ZFR: variants seen among roughly 807,000 people sequenced by gnomAD.
ZFR encodes the protein zinc finger RNA binding protein.
ZFR carries 19 observed loss-of-function variants against 130.7 expected under a neutral mutation model. The observed-to-expected ratio is 0.15, with a 90% CI of 0.10 to 0.21. The LOEUF (loss-of-function observed/expected upper bound fraction) is 0.21. ZFR is among the 10% of genes least tolerant of loss of function. The probability of loss-of-function intolerance (pLI) is 1.00; values close to 1 mark genes in which losing one functional copy is unlikely to be tolerated. For missense variants in ZFR, 872 were observed against 1,321.5 expected, an observed-to-expected ratio of 0.66 and a Z score of 5.27; for synonymous variants, 466 against 456.9, an observed-to-expected ratio of 1.02 and a Z score of -0.25.
chr5:32,363,847 A>G, intron 19 of ZFR, 101 bp downstream of exon 19: 1 of 972,526 alleles, frequency 1.0e-6, no homozygotes, highest in East Asian at 2.7e-5. Flanking sequence ...CAGAAGAACG[A>G]ATATTATATA....
At chr5:32,382,390 TA>T (rs1322153725) in intron 15 of ZFR, among the ~76,000 whole-genome samples, 2 of 152,186 alleles carry the variant, frequency 1.3e-5, no homozygotes, top group African/African-American at 2.4e-5. Flanking sequence ...TATAACATGC[TA>T]AAGAACCTCT....
At chr5:32,366,183 GATAAA>G (rs1394757541) in intron 17 of ZFR, among the ~76,000 whole-genome samples, 6 of 152,174 alleles carry the variant, frequency 3.9e-5, no homozygotes, top group Admixed American at 3.3e-4. Flanking sequence ...ACAATTCAGT[GATAAA>G]ATAAACCAAG....
chr5:32,390,561 C>A, intron 11 of ZFR, 124 bp from the exon 12 acceptor site: 2 of 926,366 alleles, frequency 2.2e-6, no homozygotes, highest in South Asian at 2.8e-5. Context: ...AATTTCTTCC[C>A]AAATGTATCT....
At chr5:32,426,328 G>A (rs73075516) in intron 2 of ZFR, among the ~76,000 whole-genome samples, 3,723 of 150,208 alleles carry the variant, frequency 0.025, 155 homozygotes, top group African/African-American at 0.086. Flanking sequence ...TAAAATGGAA[G>A]ACAAAACCCA....
chr5:32,385,677 A>G (rs763976242), intron 14 of ZFR, 28 bp from the exon 15 acceptor site: 1 of 1,609,950 alleles, frequency 6.2e-7, no homozygotes. Flanking sequence ...TAAGAAACAA[A>G]TTGGATCTGT....
intron 15 of ZFR, among the ~76,000 whole-genome samples, chr5:32,380,650 C>CTTTTTT (rs55724344): frequency 2.1e-5 from 2 of 97,072 alleles, no homozygotes; most frequent in African/African-American, 4.3e-5. Flanking sequence ...ACAGGCATTT[C>CTTTTTT]TTTTTTTTTT....
At chr5:32,374,066 G>A (rs1326639826) in intron 17 of ZFR, among the ~76,000 whole-genome samples, 1 of 152,204 alleles carries the variant, frequency 6.6e-6, no homozygotes, top group Non-Finnish European at 1.5e-5. Flanking sequence ...AGATGCAGTG[G>A]TCTTGAGAGT....
At chr5:32,406,439 G>C (rs982060680) in intron 6 of ZFR, among the ~76,000 whole-genome samples, 3 of 152,154 alleles carry the variant, frequency 2.0e-5, no homozygotes, top group Admixed American at 2.0e-4. Context: ...GTAAGTTACA[G>C]ATGCTAAAAA....
At chr5:32,369,296 G>A (rs374197506) in intron 17 of ZFR, among the ~76,000 whole-genome samples, 1 of 151,914 alleles carries the variant, frequency 6.6e-6, no homozygotes, top group Non-Finnish European at 1.5e-5. Context: ...AGCAACAGCC[G>A]GGAGAACTTT....
chr5:32,364,875 T>A (rs2111663588), intron 17 of ZFR: 1 of 152,256 alleles, frequency 6.6e-6, no homozygotes, highest in East Asian at 1.9e-4. Context: ...TTCACCCTTT[T>A]AAACTGTACA....
chr5:32,439,664 G>A (rs1754415662), intron 2 of ZFR, among the ~76,000 whole-genome samples: 1 of 152,018 alleles, frequency 6.6e-6, no homozygotes, highest in African/African-American at 2.4e-5. Flanking sequence ...AATGAGGCTG[G>A]GCGTAGTGGC....
Position 32,397,304 on chromosome 5 carries a change from T to C in ZFR, c.1748A>G (p.His583Arg), listed in dbSNP as rs913307667. The C allele has an allele frequency of 1.2e-6, 2 of 1,613,182 alleles. No homozygotes were observed. Among genetic ancestry groups the C allele is most frequent in the Admixed American group, 1.7e-5 (1 of 59,882 alleles). The change falls in exon 10 of 20, where the codon CAT becomes CGT. Residue 583 changes from histidine (H) to arginine (R), a missense_variant. Around this residue, in one of 7 missense-constraint regions of ZFR, gnomAD observed 54 missense variants for 119.9 expected, o/e 0.45. Coordinates refer to ENST00000265069, the MANE Select transcript of ZFR (RefSeq NM_016107.5). ...RNDEGKVIRF[H>R]CKLCECSFND... Reference sequence around the variant, plus strand: ...AAAGCTGCACTCGCATAATTTACAATGGAACCGAATTACTTTTCCTTCATC... The same window carrying C: ...AAAGCTGCACTCGCATAATTTACAACGGAACCGAATTACTTTTCCTTCATC...
chr5:32,410,730 C>G (rs1297441071), intron 5 of ZFR, among the ~76,000 whole-genome samples: 3 of 152,164 alleles, frequency 2.0e-5, no homozygotes, highest in Non-Finnish European at 4.4e-5. Context: ...TACAAGTCAT[C>G]ATTTGGTAGG....
At chr5:32,362,733 T>C (rs1319942778) in intron 19 of ZFR, among the ~76,000 whole-genome samples, 1 of 152,244 alleles carries the variant, frequency 6.6e-6, no homozygotes, top group Admixed American at 6.5e-5. Context: ...AAATGCATTG[T>C]ATATTGTGTA....
intron 2 of ZFR, among the ~76,000 whole-genome samples, chr5:32,438,453 G>A (rs926395563): frequency 6.6e-6 from 1 of 151,730 alleles, no homozygotes; most frequent in Non-Finnish European, 1.5e-5. Context: ...AGTAGAGACG[G>A]GGTTTCTCCA....
chr5:32,415,527 C>CGCGT (rs1305320501), intron 4 of ZFR, among the ~76,000 whole-genome samples: 6 of 144,804 alleles, frequency 4.1e-5, no homozygotes, highest in South Asian at 2.3e-4. Context: ...CGCGCGCGCG[C>CGCGT]GCGCGCACTA....
At chr5:32,415,974 T>C (rs75026904) in intron 4 of ZFR, among the ~76,000 whole-genome samples, 30 of 22,926 alleles carry the variant, frequency 1.3e-3, no homozygotes, top group African/African-American at 3.3e-3. Flanking sequence ...CTTTTATCTT[T>C]TTTTTTTTTG....
intron 17 of ZFR, among the ~76,000 whole-genome samples, chr5:32,365,167 TA>T (rs1031680489): frequency 2.0e-5 from 3 of 152,206 alleles, no homozygotes; most frequent in Non-Finnish European, 4.4e-5. Context: ...AGCTTTTACT[TA>T]AAAGTTTAAA....
Position 32,403,350 on chromosome 5 carries a change from T to C in ZFR, c.1272A>G (p.Glu424=). The part of the protein sequence containing the change: ...TKLGKPIPST[E]PNVVSQATSS... ...AAGTAGCTTGGCTAACAACATTTGG[T>C]TCTGTTGATGGAATGGGTTTACCAA... The change falls in exon 8 of 20, where the codon GAA becomes GAG. Residue 424 remains glutamate, a synonymous_variant. Coordinates refer to ENST00000265069, the MANE Select transcript of ZFR (RefSeq NM_016107.5). 1.2e-6 allele frequency: 2 copies of C among 1,614,176 alleles called. No individual in the cohort carries two copies. The highest frequency in any genetic ancestry group is 1.7e-6 in the Non-Finnish European group (2 of 1,180,010).
Sources: gnomAD v4.1 joint callset for allele counts (sites outside exome capture counted in the v4.1 genomes callset) on GRCh38, gnomAD v4.1.1 for gene constraint, gnomAD v4.1.1 regional missense constraint, MANE v1.5 for transcripts, NCBI Gene and HGNC (gene_info 2026-07-23, HGNC 2026-07-21) for gene names.